The following IL15 variants were observed in gnomAD, a reference collection of about 807,000 sequenced individuals.
IL15 encodes the protein interleukin 15.
A neutral mutation model predicts 19.6 loss-of-function variants in IL15; 11 were observed. The ratio of observed to expected loss-of-function variants is 0.56; its 90% confidence interval spans 0.35 to 0.93. IL15 has a LOEUF of 0.93. Ranked by LOEUF, IL15 falls within the 40% of genes least tolerant of loss-of-function variation. The pLI is 0.01. For missense variants in IL15, 197 were observed against 186.5 expected, an observed-to-expected ratio of 1.06 and a Z score of -0.33; for synonymous variants, 58 against 59.6, an observed-to-expected ratio of 0.97 and a Z score of 0.12.
At chr4:141,646,824 A>G (rs1727241871) in intron 1 of IL15, among the ~76,000 whole-genome samples, 1 of 152,060 alleles carries the variant, frequency 6.6e-6, no homozygotes, top group Admixed American at 6.6e-5. Flanking sequence ...GATTATTAAC[A>G]TCTCCCTTCA....
chr4:141,703,075 T>C (rs924898096), intron 2 of IL15, among the ~76,000 whole-genome samples: 6 of 152,158 alleles, frequency 3.9e-5, no homozygotes, highest in African/African-American at 1.4e-4. Flanking sequence ...CTCCTTGCAG[T>C]TGGCAAGGCC....
chr4:141,671,800 G>T (rs1211402246), intron 2 of IL15, among the ~76,000 whole-genome samples: 1 of 152,092 alleles, frequency 6.6e-6, no homozygotes, highest in Non-Finnish European at 1.5e-5. Flanking sequence ...TCGTAGCTAG[G>T]ACATAAATCA....
intron 5 of IL15, among the ~76,000 whole-genome samples, chr4:141,724,345 A>T (rs1730189632): frequency 6.6e-6 from 1 of 152,116 alleles, no homozygotes; most frequent in African/African-American, 2.4e-5. Flanking sequence ...TTTAAAATCA[A>T]ATGAATACAT....
chr4:141,680,391 C>T (rs187549225), intron 2 of IL15, among the ~76,000 whole-genome samples: 2 of 152,312 alleles, frequency 1.3e-5, no homozygotes, highest in South Asian at 4.1e-4. Context: ...AATATTGTAT[C>T]ACTGTTTTCA....
chr4:141,677,307 C>T (rs866748333), intron 2 of IL15, among the ~76,000 whole-genome samples: 1 of 152,136 alleles, frequency 6.6e-6, no homozygotes, highest in African/African-American at 2.4e-5. Context: ...TGATCCACTT[C>T]CACTTAATGA....
intron 2 of IL15, among the ~76,000 whole-genome samples, chr4:141,658,260 C>CT (rs1317840622): frequency 2.0e-5 from 3 of 152,172 alleles, no homozygotes; most frequent in Non-Finnish European, 4.4e-5. Flanking sequence ...ATTTTGTTTC[C>CT]TGAGGCCTCC....
At chr4:141,686,886 T>G (rs1472902625) in intron 2 of IL15, among the ~76,000 whole-genome samples, 1 of 152,210 alleles carries the variant, frequency 6.6e-6, no homozygotes, top group Non-Finnish European at 1.5e-5. Context: ...TTTAGATGCA[T>G]ACACTCAGAT....
At chr4:141,715,254 C>T (rs1452750882) in intron 2 of IL15, 1 of 152,576 alleles carries the variant, frequency 6.6e-6, no homozygotes, top group Non-Finnish European at 1.5e-5. Flanking sequence ...CTCCTCTCCT[C>T]CACCTTTCTG....
chr4:141,721,700 T>C, intron 4 of IL15: 1 of 558,890 alleles, frequency 1.8e-6, no homozygotes, highest in South Asian at 2.1e-5. Context: ...TAGGCTTTTC[T>C]CTAATCCGGG....
At chr4:141,721,567 C>T (rs1388777035) in intron 4 of IL15, 1 of 525,992 alleles carries the variant, frequency 1.9e-6, no homozygotes, top group Admixed American at 2.3e-5. Context: ...CTCTGTAAAT[C>T]TCTACTTAAA....
chr4:141,686,514 G>A (rs1428653417), intron 2 of IL15, among the ~76,000 whole-genome samples: 5 of 152,102 alleles, frequency 3.3e-5, no homozygotes, highest in African/African-American at 1.2e-4. Flanking sequence ...AGTCACCTTT[G>A]ACGAGTTCCT....
chr4:141,723,079 T>C (rs1380649499), intron 5 of IL15, among the ~76,000 whole-genome samples: 1 of 152,090 alleles, frequency 6.6e-6, no homozygotes, highest in African/African-American at 2.4e-5. Flanking sequence ...AGAGAGAGAT[T>C]GGTTGAATTC....
chr4:141,659,526 A>G (rs755644964), intron 2 of IL15, among the ~76,000 whole-genome samples: 23 of 152,200 alleles, frequency 1.5e-4, no homozygotes, highest in Non-Finnish European at 3.1e-4. Flanking sequence ...CACACAGATT[A>G]GGTATTGCTA....
chr4:141,663,477 CT>C (rs1205454777), intron 2 of IL15, among the ~76,000 whole-genome samples: 7 of 152,120 alleles, frequency 4.6e-5, no homozygotes, highest in Non-Finnish European at 1.0e-4. Flanking sequence ...TCATACTGGT[CT>C]TTTTGGAATG....
chr4:141,680,012 T>A (rs1728479497), intron 2 of IL15, among the ~76,000 whole-genome samples: 1 of 152,238 alleles, frequency 6.6e-6, no homozygotes, highest in South Asian at 2.1e-4. Context: ...CTATTCATGT[T>A]GTCATTCAGT....
intron 2 of IL15, among the ~76,000 whole-genome samples, chr4:141,694,240 T>C (rs1208247620): frequency 1.3e-5 from 2 of 151,904 alleles, no homozygotes; most frequent in Non-Finnish European, 2.9e-5. Context: ...ACGTGGAGAG[T>C]ATTGGTTTAA....
At chr4:141,715,970 T>G (rs1729870660) in intron 2 of IL15, 1 of 152,116 alleles carries the variant, frequency 6.6e-6, no homozygotes, top group Non-Finnish European at 1.5e-5. Context: ...CGACAGTATC[T>G]GGGTGAAGAA....
chr4:141,719,664 G>T (rs1469881243), intron 3 of IL15, among the ~76,000 whole-genome samples, 188 bp downstream of exon 3: 1 of 152,066 alleles, frequency 6.6e-6, no homozygotes, highest in Non-Finnish European at 1.5e-5. Context: ...TGACCATCTT[G>T]ATAGGCTCTT....
chr4:141,717,311 A>G (rs1729918869), intron 2 of IL15: 1 of 152,196 alleles, frequency 6.6e-6, no homozygotes, highest in South Asian at 2.1e-4. Flanking sequence ...AGTTTTAAGA[A>G]GTGGGATCTT....
Sources: gnomAD v4.1 joint callset for allele counts (sites outside exome capture counted in the v4.1 genomes callset) on GRCh38, gnomAD v4.1.1 for gene constraint, MANE v1.5 for transcripts, NCBI Gene and HGNC (gene_info 2026-07-23, HGNC 2026-07-21) for gene names.